Variants in TAF12 observed in about 807,000 individuals in gnomAD.
TAF12 encodes the protein transcription initiation factor TFIID subunit 12.
A neutral mutation model predicts 20.8 loss-of-function variants in TAF12; 3 were observed. That is an observed-to-expected ratio of 0.14 (90% CI 0.07 to 0.37). The LOEUF (loss-of-function observed/expected upper bound fraction) is 0.37, where lower values mean the gene tolerates loss of function less well. Ranked by LOEUF, TAF12 falls within the 10% of genes least tolerant of loss-of-function variation. The pLI, the probability that TAF12 is intolerant of heterozygous loss-of-function variation, is 1.00. For missense variants in TAF12, 131 were observed against 197.9 expected, an observed-to-expected ratio of 0.66 and a Z score of 2.03; for synonymous variants, 69 against 70.2, an observed-to-expected ratio of 0.98 and a Z score of 0.09.
chr1:28,618,534 A>AT (rs968347496), intron 2 of TAF12, among the ~76,000 whole-genome samples: 3,040 of 125,636 alleles, frequency 0.024, 81 homozygotes, highest in African/African-American at 0.059. Flanking sequence ...TACCTGGCTA[A>AT]TTTTTTTTTT....
intron 2 of TAF12, among the ~76,000 whole-genome samples, chr1:28,620,426 C>T (rs1667183864): frequency 6.7e-6 from 1 of 150,168 alleles, no homozygotes; most frequent in Admixed American, 6.7e-5. Context: ...AGCTACCGCG[C>T]ACACCCAAGA....
At position 28,632,533 on chromosome 1, in the gene TAF12, A is replaced by C. The variant is rs1035096966; in HGVS notation, c.-84-10368T>G. ...TCTGTCTCAACAATAACAACAACAAAAAAAAGACTACTGACGCATGCAACA... is the reference window on the plus strand; with the variant it reads ...TCTGTCTCAACAATAACAACAACAACAAAAAGACTACTGACGCATGCAACA... On this transcript the variant is annotated intron_variant, in intron 1 of 5. Coordinates refer to ENST00000373824, the MANE Select transcript of TAF12 (RefSeq NM_005644.4). Among the ~76,000 whole-genome samples the C allele has an allele frequency of 1.2e-4, 18 of 152,158 alleles. 1 individual carries two copies. The highest frequency in any genetic ancestry group is 2.1e-4 in the South Asian group (1 of 4,834).
chr1:28,638,959 T>C (rs1667939048), intron 1 of TAF12, among the ~76,000 whole-genome samples: 2 of 151,524 alleles, frequency 1.3e-5, no homozygotes, highest in African/African-American at 4.8e-5. Context: ...CTAATTTTTT[T>C]TGTATTGTTA....
chr1:28,618,036 G>A lies in TAF12; in HGVS notation c.169-6C>T. The A allele has an allele frequency of 6.2e-7, 1 of 1,611,186 alleles. No individual in the cohort carries two copies. Among genetic ancestry groups the A allele is most frequent in the South Asian group, 1.1e-5 (1 of 90,698 alleles). ...AATTTCTTCTTGGTCAATACCTAAA[G>A]TTAATTGGAAGAAGACTTTTCAACC... On this transcript the variant is annotated splice_region_variant and splice_polypyrimidine_tract_variant and intron_variant, in intron 2 of 5. Coordinates refer to ENST00000373824, the MANE Select transcript of TAF12 (RefSeq NM_005644.4).
chr1:28,647,648 C>A (rs1195459044), upstream of TAF12, among the ~76,000 whole-genome samples: 1 of 152,018 alleles, frequency 6.6e-6, no homozygotes, highest in East Asian at 1.9e-4. Flanking sequence ...CTGAGGCGGG[C>A]GGATCACAAA....
At chr1:28,634,353 T>C (rs1570333984) in intron 1 of TAF12, among the ~76,000 whole-genome samples, 1 of 146,656 alleles carries the variant, frequency 6.8e-6, no homozygotes. Flanking sequence ...GAGGCAGGGG[T>C]TGCAGTAGGC....
intron 5 of TAF12, among the ~76,000 whole-genome samples, chr1:28,604,665 C>A (rs186948339): frequency 6.6e-6 from 1 of 152,296 alleles, no homozygotes; most frequent in Admixed American, 6.5e-5. Context: ...TCCAGAGATA[C>A]CAGGCTATGG....
intron 4 of TAF12, among the ~76,000 whole-genome samples, chr1:28,608,309 C>T (rs1419738518): frequency 6.6e-6 from 1 of 150,826 alleles, no homozygotes; most frequent in Admixed American, 6.6e-5. Flanking sequence ...CGCGCCACTG[C>T]ACTCCAGCGT....
intron 1 of TAF12, among the ~76,000 whole-genome samples, chr1:28,629,060 G>A (rs1319662116): frequency 6.6e-6 from 1 of 152,214 alleles, no homozygotes; most frequent in African/African-American, 2.4e-5. Flanking sequence ...GACAGAGCAA[G>A]ACTCCGTCTC....
At chr1:28,623,552 ATAGT>A (rs1169487244) in intron 1 of TAF12, among the ~76,000 whole-genome samples, 3 of 152,170 alleles carry the variant, frequency 2.0e-5, no homozygotes, top group Admixed American at 1.3e-4. Context: ...CTTTGTAAAA[ATAGT>A]TAAGTACTAC....
chr1:28,642,355 T>C (rs1458906952), intron 1 of TAF12, among the ~76,000 whole-genome samples: 1 of 152,174 alleles, frequency 6.6e-6, no homozygotes, highest in Non-Finnish European at 1.5e-5. Context: ...TCCCTTTACT[T>C]TGTAGGCTGA....
rs749258939 is a variant in TAF12 at position 28,605,464 on chromosome 1, C to A, written c.362-4G>T. The A allele has an allele frequency of 6.2e-7, 1 of 1,613,954 alleles. No individual in the cohort carries two copies. Among genetic ancestry groups the A allele is most frequent in the Admixed American group, 1.7e-5 (1 of 59,994 alleles). On this transcript the variant is annotated splice_region_variant and splice_polypyrimidine_tract_variant and intron_variant, in intron 4 of 5. Transcript: ENST00000373824. ...ATCCACATGTTCCACTGGCGCTCTG[C>A]AAGGAAGAAGCCAGCACAGAGATAA...
At chr1:28,645,282 G>C (rs933136869), upstream of TAF12, among the ~76,000 whole-genome samples, 17 of 150,476 alleles carry the variant, frequency 1.1e-4, no homozygotes, top group African/African-American at 4.1e-4. Flanking sequence ...TGATCCGCCT[G>C]CCTTGGCCTC....
chr1:28,619,550 A>C (rs1445230732), intron 2 of TAF12, among the ~76,000 whole-genome samples: 1 of 150,348 alleles, frequency 6.7e-6, no homozygotes, highest in Non-Finnish European at 1.5e-5. Context: ...AGAAAAAAGA[A>C]AAAGTTAGGC....
At position 28,615,420 on chromosome 1, in the gene TAF12, T is replaced by G. The variant is rs552904964; in HGVS notation, c.247-2059A>C. Among the ~76,000 whole-genome samples, 13 of 152,096 alleles carry G rather than the reference T, an allele frequency of 8.5e-5. No individual in the cohort carries two copies. In the East Asian group the frequency reaches 2.3e-3, roughly 27 times the overall value. On this transcript the variant is annotated intron_variant, in intron 3 of 5. Coordinates refer to ENST00000373824, the MANE Select transcript of TAF12 (RefSeq NM_005644.4). ...ATTGCCAGGTGCAGTGGCTCATGCC[T>G]GTAATCCCAGCACTTTGGGAGGCCG...
At chr1:28,615,114 T>G (rs944748452) in intron 3 of TAF12, among the ~76,000 whole-genome samples, 1 of 151,786 alleles carries the variant, frequency 6.6e-6, no homozygotes, top group Non-Finnish European at 1.5e-5. Context: ...CAAAAATAAA[T>G]AAATAAATAA....
chr1:28,644,171 C>G (rs1668127859), upstream of TAF12, among the ~76,000 whole-genome samples: 1 of 152,122 alleles, frequency 6.6e-6, no homozygotes, highest in Admixed American at 6.6e-5. Flanking sequence ...AACCCACAAA[C>G]ACACCAAAAA....
chr1:28,648,192 G>A (rs577409739), intron 1 of TAF12: 76 of 985,378 alleles, frequency 7.7e-5, no homozygotes, highest in Non-Finnish European at 8.9e-5. Context: ...GTCTTCCCCA[G>A]TCAGATACCT....
intron 4 of TAF12, among the ~76,000 whole-genome samples, chr1:28,609,556 G>A (rs1414981031): frequency 6.6e-6 from 1 of 151,588 alleles, no homozygotes; most frequent in African/African-American, 2.4e-5. Context: ...GTGTGATCTT[G>A]GCTCACTGCA....
Sources: allele counts gnomAD v4.1 joint callset (sites outside exome capture counted in the v4.1 genomes callset), GRCh38; gene constraint gnomAD v4.1.1; transcripts MANE v1.5; gene names NCBI Gene and HGNC (gene_info 2026-07-23, HGNC 2026-07-21).